Variants in GARRE1 observed in about 807,000 individuals in gnomAD.
GARRE1 encodes the protein granule associated Rac and RHOG effector 1.
A neutral mutation model predicts 103.2 loss-of-function variants in GARRE1; 49 were observed. The observed-to-expected ratio is 0.47, with a 90% CI of 0.38 to 0.60. GARRE1 has a LOEUF of 0.60. GARRE1 is among the 20% of genes least tolerant of loss of function. GARRE1 has a pLI of 0.00. For synonymous variants in GARRE1, 505 were observed against 532.8 expected (o/e 0.95, Z 0.72); for missense variants, 1,199 against 1,370.5 (o/e 0.87, Z 1.98).
rs1568315712 is a variant in GARRE1, at chr19:34,353,138, G to A, written c.*183G>A. 3 of 593,124 alleles carry A rather than the reference G, an allele frequency of 5.1e-6. No homozygotes were observed. The highest frequency in any genetic ancestry group is 2.8e-5 in the East Asian group (1 of 35,624). 36.7% of individuals were successfully genotyped at this position (593,124 alleles called of 1,614,324 possible). ...CTCCAAGCCTTTAAACCTGGCTTCT[G>A]AAACGATGGCATCAGAGCCCTGGAG... On this transcript the variant is annotated 3_prime_UTR_variant, in exon 14 of 14. Transcript: ENST00000299505.
chr19:34,304,282 G>T (rs1175008013), intron 2 of GARRE1, among the ~76,000 whole-genome samples: 1 of 151,814 alleles, frequency 6.6e-6, no homozygotes, highest in Non-Finnish European at 1.5e-5. Context: ...GTAGAGACAG[G>T]GTTTCGCCAT....
At chr19:34,266,773 T>C (rs749704840) in intron 1 of GARRE1, among the ~76,000 whole-genome samples, 20 of 151,550 alleles carry the variant, frequency 1.3e-4, no homozygotes, top group Non-Finnish European at 2.7e-4. Context: ...TTCTCAGAAA[T>C]GATTTTGAAT....
rs1267499212 is a variant in GARRE1, at chr19:34,354,802, C to T, written c.*1847C>T. 6.6e-6 allele frequency: 1 copy of T among 152,634 alleles called. No individual in the cohort carries two copies. The highest frequency in any genetic ancestry group is 1.5e-5 in the Non-Finnish European group (1 of 68,056). The allele number at this position is 152,634 out of a possible 1,614,324, so 9.5% of individuals were successfully genotyped here. On this transcript the variant is annotated 3_prime_UTR_variant, in exon 14 of 14. Coordinates refer to ENST00000299505, the MANE Select transcript of GARRE1 (RefSeq NM_014686.5). ...GTTTTTAGTACTGTGTTGTCAGGCT[C>T]TTCCCAGGCCTCAGGTGTTGTCTTT... is the stretch of plus-strand genomic sequence containing the variant.
chr19:34,296,875 C>G (rs76180471), intron 1 of GARRE1, among the ~76,000 whole-genome samples: 11 of 152,054 alleles, frequency 7.2e-5, no homozygotes, highest in Admixed American at 7.2e-4. Flanking sequence ...GACTCCTGGG[C>G]TCAAGTGATG....
At chr19:34,295,230 A>G (rs10426139) in intron 1 of GARRE1, among the ~76,000 whole-genome samples, 14,809 of 152,136 alleles carry the variant, frequency 0.097, 1,139 homozygotes, top group African/African-American at 0.21. Context: ...TTTCAAGGCT[A>G]TTATGGAGCT....
In GARRE1 at chr19:34,347,988, C is replaced by T. The variant is rs138673599; in HGVS notation, c.2633C>T (p.Pro878Leu). ...RRPGNPRGNW[P>L]PMDDAHRTWP... is the part of the protein sequence containing the mutation. Reference sequence around the variant, plus strand: ...CCAGGCAACCCCCGGGGCAACTGGCCGCCTATGGATGACGCGCATCGGACC... The same window carrying T: ...CCAGGCAACCCCCGGGGCAACTGGCTGCCTATGGATGACGCGCATCGGACC... The change falls in exon 11 of 14, where the codon CCG becomes CTG. Residue 878 changes from proline to leucine, a missense_variant. Transcript: ENST00000299505. 39 of 1,579,820 alleles carry T rather than the reference C, an allele frequency of 2.5e-5. No homozygotes were observed. The Middle Eastern group carries it at 1.0e-3, about 41-fold the overall frequency.
chr19:34,326,482 AAAT>A (rs1200656193), intron 3 of GARRE1, among the ~76,000 whole-genome samples: 1 of 152,198 alleles, frequency 6.6e-6, no homozygotes, highest in Non-Finnish European at 1.5e-5. Context: ...TTTAATCGTA[AAAT>A]GACAGAGATT....
At chr19:34,301,513 C>CAAAAAAAAAAAAAA (rs57777660) in intron 2 of GARRE1, among the ~76,000 whole-genome samples, 1 of 85,402 alleles carries the variant, frequency 1.2e-5, no homozygotes, top group Non-Finnish European at 2.2e-5. Flanking sequence ...GACCATGTCT[C>CAAAAAAAAAAAAAA]AAAAAAAAAA....
chr19:34,288,334 G>A (rs566593061), intron 1 of GARRE1, among the ~76,000 whole-genome samples: 1 of 152,226 alleles, frequency 6.6e-6, no homozygotes, highest in South Asian at 2.1e-4. Context: ...TTTCTCAAAG[G>A]AAACTGTGAC....
chr19:34,338,219 G>T (rs1156902160), intron 8 of GARRE1, among the ~76,000 whole-genome samples: 1 of 152,106 alleles, frequency 6.6e-6, no homozygotes, highest in Admixed American at 6.5e-5. Flanking sequence ...GACCTATGCT[G>T]CTCAGACTGT....
chr19:34,330,844 C>T (rs1489869073), intron 7 of GARRE1, among the ~76,000 whole-genome samples: 1 of 150,280 alleles, frequency 6.7e-6, no homozygotes, highest in Non-Finnish European at 1.5e-5. Context: ...AAGTGATTCT[C>T]CTGCCTCAGC....
chr19:34,263,017 C>A (rs921115958), intron 1 of GARRE1, among the ~76,000 whole-genome samples: 4 of 151,872 alleles, frequency 2.6e-5, no homozygotes, highest in African/African-American at 9.7e-5. Flanking sequence ...AGTTTGAGAC[C>A]AGCCTGACAA....
chr19:34,333,677 G>GTTTTTTTTTT lies in GARRE1; in HGVS notation c.1264-19_1264-10dup, dbSNP rs74177138. On this transcript the variant is annotated intron_variant, in intron 7 of 13. Transcript: ENST00000299505. ...TCTCTCTGAAAGCTGGTTGTTATTT[G>GTTTTTTTTTT]TTTTTTTTTTTTTTTTTCGATCTTA... is the stretch of plus-strand genomic sequence containing the variant. 833 of 674,326 alleles carry GTTTTTTTTTT rather than the reference G, an allele frequency of 1.2e-3. 1 individual carries two copies. The highest frequency in any genetic ancestry group is 2.5e-3 in the South Asian group (135 of 53,328). The allele number at this position is 674,326 out of a possible 1,614,324, so 41.8% of individuals were successfully genotyped here. A position where few individuals can be genotyped will look rare whatever the true frequency, so the allele number is the denominator to read the frequency against.
chr19:34,334,714 A>G (rs2074153050), intron 8 of GARRE1, among the ~76,000 whole-genome samples: 1 of 151,358 alleles, frequency 6.6e-6, no homozygotes, highest in Non-Finnish European at 1.5e-5. Context: ...AAAAAAAAGA[A>G]AAAAGAAAAT....
chr19:34,331,141 T>C (rs2074136067), intron 7 of GARRE1, among the ~76,000 whole-genome samples: 1 of 151,852 alleles, frequency 6.6e-6, no homozygotes, highest in Non-Finnish European at 1.5e-5. Context: ...CCTCGTGATC[T>C]GCCTGCTTAG....
chr19:34,305,507 G>C (rs1005321996), intron 2 of GARRE1, among the ~76,000 whole-genome samples: 3 of 152,188 alleles, frequency 2.0e-5, no homozygotes, highest in Admixed American at 6.5e-5. Flanking sequence ...AAGGCCAAAG[G>C]CTTTTATTTT....
Position 34,342,393 on chromosome 19 carries a change from A to G in GARRE1, c.2459A>G (p.Asn820Ser). The G allele has an allele frequency of 6.2e-7, 1 of 1,614,162 alleles. No individual in the cohort carries two copies. The highest frequency in any genetic ancestry group is 2.2e-5 in the East Asian group (1 of 44,880). Residue 820 changes from asparagine (N) to serine (S), a missense_variant, in exon 10 of 14, where the codon AAC (asparagine) becomes AGC (serine). Asn to Ser is a conservative substitution (Grantham distance 46). Transcript: ENST00000299505. ...GGACCTAGAAATAACACCTGGCCCA[A>G]CCGTGACCAAAGTGATGGAGTCTTT... ...PQGPRNNTWP[N>S]RDQSDGVFGM...
At chr19:34,281,487 C>T (rs963846187) in intron 1 of GARRE1, among the ~76,000 whole-genome samples, 3 of 152,178 alleles carry the variant, frequency 2.0e-5, no homozygotes, top group African/African-American at 7.2e-5. Flanking sequence ...GACGTGGTTT[C>T]ACCATATTGG....
intron 8 of GARRE1, among the ~76,000 whole-genome samples, chr19:34,337,812 CTT>C (rs2074167965): frequency 6.6e-6 from 1 of 152,204 alleles, no homozygotes; most frequent in South Asian, 2.1e-4. Flanking sequence ...CTGTAGTACT[CTT>C]TTCTACATGG....
Sources: allele counts gnomAD v4.1 joint callset (sites outside exome capture counted in the v4.1 genomes callset), GRCh38; gene constraint gnomAD v4.1.1; transcripts MANE v1.5; gene names NCBI Gene and HGNC (gene_info 2026-07-23, HGNC 2026-07-21).